SAMD12: variants seen among roughly 807,000 people sequenced by gnomAD.
SAMD12 encodes the protein sterile alpha motif domain-containing protein 12.
A neutral mutation model predicts 15.0 loss-of-function variants in SAMD12; 9 were observed. That is an observed-to-expected ratio of 0.60 (90% CI 0.36 to 1.05). SAMD12 has a LOEUF of 1.05. Ranked by LOEUF, SAMD12 falls within the 50% of genes least tolerant of loss-of-function variation. The probability of loss-of-function intolerance (pLI) is 0.01; values close to 1 mark genes in which losing one functional copy is unlikely to be tolerated. For missense variants in SAMD12, 230 were observed against 234.2 expected, an observed-to-expected ratio of 0.98 and a Z score of 0.12; for synonymous variants, 86 against 90.1, an observed-to-expected ratio of 0.96 and a Z score of 0.25.
chr8:118,263,357 C>T (rs1245983886), intron 4 of SAMD12, among the ~76,000 whole-genome samples: 1 of 151,906 alleles, frequency 6.6e-6, no homozygotes, highest in Non-Finnish European at 1.5e-5. Flanking sequence ...TGTAGTAGAA[C>T]AAAACTAGAA....
At chr8:118,519,697 C>T (rs966537273) in intron 2 of SAMD12, among the ~76,000 whole-genome samples, 6 of 152,072 alleles carry the variant, frequency 3.9e-5, no homozygotes, top group African/African-American at 1.4e-4. Context: ...CAGAGATCTG[C>T]CTAAAGATGA....
At chr8:118,143,369 A>T in the SAMD12 span, among the ~76,000 whole-genome samples, 1 of 152,214 alleles carries the variant, frequency 6.6e-6, no homozygotes, top group African/African-American at 2.4e-5. Flanking sequence ...TTTTGAAGCC[A>T]GATAAACCCT....
chr8:118,172,726 G>A, the SAMD12 span, among the ~76,000 whole-genome samples: 2 of 152,218 alleles, frequency 1.3e-5, no homozygotes, highest in East Asian at 3.9e-4. Flanking sequence ...ACCTCCAAAA[G>A]TTTGCTTCTG....
chr8:118,572,829 C>T (rs1210198999), intron 2 of SAMD12, among the ~76,000 whole-genome samples: 1 of 151,976 alleles, frequency 6.6e-6, no homozygotes, highest in African/African-American at 2.4e-5. Flanking sequence ...GCTGTTTCCC[C>T]ACCCAAAATC....
chr8:118,318,308 GTGTATATA>G lies in SAMD12; in HGVS notation c.433+61244_433+61251del, dbSNP rs1159253329. Among the ~76,000 whole-genome samples, 199 of 57,384 alleles carry G rather than the reference GTGTATATA, an allele frequency of 3.5e-3. 2 individuals are homozygous for G. The highest frequency in any genetic ancestry group is 9.0e-3 in the African/African-American group (100 of 11,116). 37.6% of individuals were successfully genotyped at this position (57,384 alleles called of 152,430 possible). On this transcript the variant is annotated intron_variant, in intron 4 of 4. Transcript: ENST00000409003. ...GATTAAAAAAATATGGGAGATATAT[GTGTATATA>G]TATATATATATATATATATATATAT...
At position 118,507,174 on chromosome 8, in the gene SAMD12, C is replaced by G. The variant is rs911435813; in HGVS notation, c.193-67213G>C. ...ACCTCATTGATACCTTGTGCCTTCC[C>G]ATCTTTCCAGTTCTGCTTGTACAAT... is the stretch of plus-strand genomic sequence containing the variant. On this transcript the variant is annotated intron_variant, in intron 2 of 3. Transcript: ENST00000314727. Among the ~76,000 whole-genome samples, 6 of 151,948 alleles carry G rather than the reference C, an allele frequency of 3.9e-5. No individual in the cohort carries two copies. The East Asian group carries it at 1.2e-3, about 29-fold the overall frequency.
rs551866840 is a variant in SAMD12, at chr8:118,283,718, T to C, written c.434-85986A>G. ...AGGGCTTCTACTATGTCTTGTACCA[T>C]GGCTAGAACTTAGGCAGATGGAGGG... On this transcript the variant is annotated intron_variant, in intron 4 of 4. Coordinates refer to the SAMD12 transcript ENST00000409003. Among the ~76,000 whole-genome samples, 31 of 152,330 alleles carry C rather than the reference T, an allele frequency of 2.0e-4. No homozygotes were observed. The South Asian group carries it at 6.0e-3, about 30-fold the overall frequency.
chr8:118,556,963 C>CAAAA (rs369315866), intron 2 of SAMD12, among the ~76,000 whole-genome samples: 1 of 138,866 alleles, frequency 7.2e-6, no homozygotes, highest in Admixed American at 7.4e-5. Flanking sequence ...GACTCCATCT[C>CAAAA]AAAAAAAAAA....
chr8:118,211,661 C>T (rs1811828574), intron 4 of SAMD12, among the ~76,000 whole-genome samples: 1 of 152,058 alleles, frequency 6.6e-6, no homozygotes, highest in South Asian at 2.1e-4. Context: ...TTATGAGGCC[C>T]TTATAAAACT....
intron 4 of SAMD12, among the ~76,000 whole-genome samples, chr8:118,335,698 A>G (rs1372901510): frequency 6.6e-6 from 1 of 152,208 alleles, no homozygotes; most frequent in Non-Finnish European, 1.5e-5. Flanking sequence ...CAGGTTAGGT[A>G]AAATAGGAAC....
chr8:118,469,708 G>A lies in SAMD12; in HGVS notation c.193-29747C>T, dbSNP rs538515267. Among the ~76,000 whole-genome samples the A allele has an allele frequency of 4.1e-5, 6 of 146,656 alleles. No homozygotes were observed. In the South Asian group the frequency reaches 1.1e-3, roughly 27 times the overall value. On this transcript the variant is annotated intron_variant, in intron 2 of 3. Transcript: ENST00000314727. ...CTCCCGAGTAGCTGGGATTATAGGC[G>A]CGTGCCACCACGCCTGGCTATTTTT...
chr8:118,485,417 G>A (rs1232460273), intron 2 of SAMD12, among the ~76,000 whole-genome samples: 1 of 152,174 alleles, frequency 6.6e-6, no homozygotes, highest in Non-Finnish European at 1.5e-5. Context: ...AGAAGGCAGA[G>A]ATGATAAAGA....
intron 2 of SAMD12, among the ~76,000 whole-genome samples, chr8:118,552,447 T>A (rs1042823164): frequency 6.6e-6 from 1 of 152,190 alleles, no homozygotes; most frequent in African/African-American, 2.4e-5. Context: ...TCTCAATAGA[T>A]GCAGAAAAGG....
intron 4 of SAMD12, among the ~76,000 whole-genome samples, chr8:118,316,686 G>A (rs7817890): frequency 0.48 from 72,192 of 151,506 alleles, 19,708 homozygotes; most frequent in African/African-American, 0.77. Context: ...GCGGCACTGG[G>A]AGACTCTACT....
At chr8:118,232,054 T>A (rs931893109) in intron 4 of SAMD12, among the ~76,000 whole-genome samples, 3 of 152,246 alleles carry the variant, frequency 2.0e-5, no homozygotes, top group Non-Finnish European at 4.4e-5. Flanking sequence ...CGTAATGTTA[T>A]CTGTGCAAGA....
chr8:118,585,902 G>A (rs1013614416), intron 1 of SAMD12, among the ~76,000 whole-genome samples: 6 of 152,166 alleles, frequency 3.9e-5, no homozygotes, highest in Non-Finnish European at 5.9e-5. Flanking sequence ...GGGTGCATTG[G>A]CATCTGCTGT....
intron 4 of SAMD12, among the ~76,000 whole-genome samples, chr8:118,333,006 A>AC (rs1816875730): frequency 6.6e-6 from 1 of 152,084 alleles, no homozygotes; most frequent in Admixed American, 6.6e-5. Context: ...AAAACATGGG[A>AC]CTCTTGCAGG....
chr8:118,198,762 AAGC>A (rs1819633444), intron 4 of SAMD12, among the ~76,000 whole-genome samples: 1 of 152,206 alleles, frequency 6.6e-6, no homozygotes, highest in Non-Finnish European at 1.5e-5. Context: ...GTTGTATTGA[AAGC>A]AGAATACTAT....
intron 4 of SAMD12, among the ~76,000 whole-genome samples, chr8:118,349,352 G>A (rs1817835265): frequency 6.6e-6 from 1 of 152,228 alleles, no homozygotes; most frequent in Non-Finnish European, 1.5e-5. Flanking sequence ...GTAGTGTGTA[G>A]ACACAGGTGG....
Sources: allele counts gnomAD v4.1 joint callset (sites outside exome capture counted in the v4.1 genomes callset), GRCh38; gene constraint gnomAD v4.1.1; transcripts MANE v1.5; gene names NCBI Gene and HGNC (gene_info 2026-07-23, HGNC 2026-07-21).